The following CPA5 variants were observed in gnomAD, a reference collection of about 807,000 sequenced individuals.
CPA5 encodes the protein testicular tissue protein Li 32.
Under a neutral mutation model 52.2 loss-of-function variants are expected in CPA5, and 38 were observed. The ratio of observed to expected loss-of-function variants is 0.73; its 90% confidence interval spans 0.56 to 0.95. The LOEUF is 0.95. Among genes scored for constraint, CPA5 ranks in the 40% least tolerant of loss-of-function variants. The pLI is 0.00. For missense variants in CPA5, 519 were observed against 566.7 expected (o/e 0.92, Z 0.86); for synonymous variants, 198 against 213.7 (o/e 0.93, Z 0.64).
rs138657131 is a variant in CPA5 at position 130,347,780 on chromosome 7, G to C, written c.131G>C (p.Arg44Pro). The C allele has an allele frequency of 3.1e-6, 5 of 1,613,800 alleles. No homozygotes were observed. The South Asian group carries it at 5.5e-5, about 18-fold the overall frequency. The change falls in exon 4 of 13, where the codon CGA becomes CCA. Residue 44 changes from arginine to proline, a missense_variant. By Grantham distance (103) the Arg-to-Pro change is moderately radical. Coordinates refer to ENST00000474905, the MANE Select transcript of CPA5 (RefSeq NM_080385.5). ...QMNFTGDQVL[R>P]VLAKDEKQLS... ...TGTTTTTCTAGGGACCAGGTTCTTC[G>C]AGTCCTGGCCAAAGATGAGAAGCAG...
At chr7:130,346,360 G>C in intron 2 of CPA5, 33 bp from the exon 3 acceptor site, 1 of 631,554 alleles carries the variant, frequency 1.6e-6, no homozygotes, top group Non-Finnish European at 2.7e-6. Context: ...GCCACATGCT[G>C]GGTGCCCCAG....
chr7:130,346,089 A>G (rs1279673902), intron 2 of CPA5, among the ~76,000 whole-genome samples, 193 bp downstream of exon 2: 2 of 152,196 alleles, frequency 1.3e-5, no homozygotes. Flanking sequence ...TGAGTGGGCT[A>G]GGCGGAGAAG....
intron 4 of CPA5, among the ~76,000 whole-genome samples, chr7:130,348,167 G>T (rs1261181349): frequency 6.6e-6 from 1 of 152,182 alleles, no homozygotes; most frequent in Non-Finnish European, 1.5e-5. Flanking sequence ...AGGGCACAAT[G>T]TCTCTGGGTG....
intron 5 of CPA5, among the ~76,000 whole-genome samples, chr7:130,351,875 G>T (rs1163230888): frequency 6.6e-6 from 1 of 152,136 alleles, no homozygotes; most frequent in Non-Finnish European, 1.5e-5. Context: ...GCGGTTGTCT[G>T]CTGAATGACT....
At chr7:130,367,654 G>A in intron 11 of CPA5, 83 bp downstream of exon 11, 1 of 1,354,270 alleles carries the variant, frequency 7.4e-7, no homozygotes, top group Non-Finnish European at 1.1e-6. Context: ...GAGGGCTCAG[G>A]TTGTTACTCT....
chr7:130,362,844 C>T, intron 8 of CPA5, 40 bp from the exon 9 acceptor site: 1 of 1,366,390 alleles, frequency 7.3e-7, no homozygotes, highest in Non-Finnish European at 1.0e-6. Flanking sequence ...TCCCAGGAGA[C>T]CCAGTAGGGC....
chr7:130,371,557 G>C (rs1796294447), downstream of CPA5, among the ~76,000 whole-genome samples: 2 of 151,992 alleles, frequency 1.3e-5, no homozygotes, highest in East Asian at 1.9e-4. Flanking sequence ...TGAAACTGCT[G>C]TCCAGATGGA....
In CPA5 at chr7:130,354,864, G is replaced by T. The variant is rs903074015; in HGVS notation, c.334-4725G>T. On this transcript the variant is annotated intron_variant, in intron 5 of 12. Coordinates refer to ENST00000474905, the MANE Select transcript of CPA5 (RefSeq NM_080385.5). ...CCTGCCTCAGCCTCCCGAATGGCTGGGACTGCAGGCGTGCACCACCATGCC... is the reference window on the plus strand; with the variant it reads ...CCTGCCTCAGCCTCCCGAATGGCTGTGACTGCAGGCGTGCACCACCATGCC... 3.9e-5 allele frequency among the ~76,000 whole-genome samples: 6 copies of T among 152,292 alleles called. No homozygotes were observed. The East Asian group carries it at 1.2e-3, about 29-fold the overall frequency.
chr7:130,371,798 C>A (rs1554409965), downstream of CPA5, among the ~76,000 whole-genome samples: 1 of 152,148 alleles, frequency 6.6e-6, no homozygotes, highest in African/African-American at 2.4e-5. Context: ...CTCATGTGAT[C>A]TGACTTCCTT....
chr7:130,357,242 G>A (rs530236369), intron 5 of CPA5, among the ~76,000 whole-genome samples: 2 of 152,256 alleles, frequency 1.3e-5, no homozygotes, highest in Admixed American at 1.3e-4. Context: ...TAGGCCTCGG[G>A]GATGAGTGAG....
intron 3 of CPA5, 132 bp downstream of exon 3, chr7:130,346,733 C>T: frequency 1.5e-6 from 1 of 667,044 alleles, no homozygotes; most frequent in African/African-American, 1.8e-5. Context: ...GTCCTGAACC[C>T]ACTTCCAGCT....
rs1795870315 is a variant in CPA5 at position 130,362,877 on chromosome 7, C to T, written c.637-7C>T. 6.3e-7 allele frequency: 1 copy of T among 1,597,148 alleles called. No individual in the cohort carries two copies. Among genetic ancestry groups the T allele is most frequent in the Non-Finnish European group, 8.6e-7 (1 of 1,165,226 alleles). On this transcript the variant is annotated splice_polypyrimidine_tract_variant and splice_region_variant and intron_variant, in intron 8 of 12. Coordinates refer to ENST00000474905, the MANE Select transcript of CPA5 (RefSeq NM_080385.5). ...GGCCTCCCATCCCTCCTCACTCTTTCTTGCAGATTGTCAGTGATTATGGCA... is the reference window on the plus strand; with the variant it reads ...GGCCTCCCATCCCTCCTCACTCTTTTTTGCAGATTGTCAGTGATTATGGCA...
At chr7:130,369,975 C>G (rs1462807309), downstream of CPA5, among the ~76,000 whole-genome samples, 1 of 152,228 alleles carries the variant, frequency 6.6e-6, no homozygotes, top group African/African-American at 2.4e-5. Context: ...AATATAGTGT[C>G]TAAGCAGCAA....
chr7:130,367,678 T>C (rs1255525729), intron 11 of CPA5, 107 bp downstream of exon 11: 8 of 1,134,906 alleles, frequency 7.0e-6, no homozygotes, highest in African/African-American at 1.5e-5. Flanking sequence ...TGCAGGGGTC[T>C]GGGCTGATTG....
Position 130,361,143 on chromosome 7 carries a change from A to G in CPA5, c.433A>G (p.Ile145Val), listed in dbSNP as rs1554406508. ...ATCTTACACACTTCTTTCCTTTCAGATATATAGCTGGATTGACAACTTTGT... is the reference window on the plus strand; with the variant it reads ...ATCTTACACACTTCTTTCCTTTCAGGTATATAGCTGGATTGACAACTTTGT... Reference protein sequence around the residue: ...SYSSYHTLEEIYSWIDNFVME... With the variant: ...SYSSYHTLEEVYSWIDNFVME... The change falls in exon 7 of 13, where the codon ATA becomes GTA. Residue 145 changes from isoleucine to valine, a missense_variant and splice_region_variant. Ile to Val is a conservative substitution (Grantham distance 29). Transcript: ENST00000474905. 2 of 1,603,054 alleles carry G rather than the reference A, an allele frequency of 1.2e-6. No individual in the cohort carries two copies. The highest frequency in any genetic ancestry group is 1.3e-5 in the African/African-American group (1 of 74,676).
intron 10 of CPA5, among the ~76,000 whole-genome samples, 159 bp from the exon 11 acceptor site, chr7:130,367,213 C>T (rs1554408633): frequency 6.6e-6 from 1 of 152,114 alleles, no homozygotes; most frequent in East Asian, 1.9e-4. Context: ...AGTGCCGTGT[C>T]ATTTCTGCTC....
chr7:130,372,889 C>T (rs185751850), downstream of CPA5, among the ~76,000 whole-genome samples: 6 of 152,178 alleles, frequency 3.9e-5, no homozygotes, highest in African/African-American at 1.4e-4. Flanking sequence ...AGGACCTAAT[C>T]CTAAAGCCAT....
downstream of CPA5, among the ~76,000 whole-genome samples, chr7:130,369,564 G>A (rs181370315): frequency 6.6e-6 from 1 of 152,212 alleles, no homozygotes; most frequent in East Asian, 1.9e-4. Flanking sequence ...GTAAGTCTGA[G>A]GCAGAAACAT....
In CPA5 at chr7:130,346,534, G is replaced by A; in HGVS notation, c.49G>A (p.Asp17Asn). 1 of 1,614,044 alleles carries A rather than the reference G, an allele frequency of 6.2e-7. No homozygotes were observed. The highest frequency in any genetic ancestry group is 8.5e-7 in the Non-Finnish European group (1 of 1,179,972). The change falls in exon 3 of 13, where the codon GAC becomes AAC. Residue 17 changes from aspartate (D) to asparagine (N), a missense_variant. Physicochemically the swap from Asp to Asn is conservative, Grantham distance 23. Coordinates refer to ENST00000474905, the MANE Select transcript of CPA5 (RefSeq NM_080385.5). ...GACGCGCCCTGGGCCATCCCCCGTG[G>A]ACAGGCGGACACTCCTGGTCTTCAG... is the stretch of plus-strand genomic sequence containing the variant. ...GGTRPGPSPV[D>N]RRTLLVFSFI...
Sources: allele counts gnomAD v4.1 joint callset (sites outside exome capture counted in the v4.1 genomes callset), GRCh38; gene constraint gnomAD v4.1.1; transcripts MANE v1.5; gene names NCBI Gene and HGNC (gene_info 2026-07-23, HGNC 2026-07-21).